The following RAB44 variants were observed in gnomAD, a reference collection of about 807,000 sequenced individuals.
The protein encoded by RAB44 is ras-related protein Rab-44.
Under a neutral mutation model 93.3 loss-of-function variants are expected in RAB44, and 67 were observed. That is an observed-to-expected ratio of 0.72 (90% CI 0.59 to 0.88). RAB44 has a LOEUF of 0.88. Ranked by LOEUF, RAB44 falls within the 40% of genes least tolerant of loss-of-function variation. The probability of loss-of-function intolerance (pLI) is 0.00; values close to 1 mark genes in which losing one functional copy is unlikely to be tolerated. For synonymous variants in RAB44, 427 were observed against 520.3 expected (o/e 0.82, Z 2.44); for missense variants, 1,064 against 1,261.7 (o/e 0.84, Z 2.37).
rs1194975303 is a variant in RAB44, at chr6:36,722,419, C to T, written c.2285C>T (p.Thr762Met). Residue 762 changes from threonine to methionine, a missense_variant, in exon 9 of 14, where the codon ACG becomes ATG. Coordinates refer to ENST00000612677, the MANE Select transcript of RAB44 (RefSeq NM_001257357.2). Reference sequence around the variant, plus strand: ...GCTGGAGCAGGACCCCAGGAACCCACGCAAACCCCTCCCACCATGGCTGAG... The same window carrying T: ...GCTGGAGCAGGACCCCAGGAACCCATGCAAACCCCTCCCACCATGGCTGAG... Reference protein sequence around the residue: ...PGAGAGPQEPTQTPPTMAEQE... With the variant: ...PGAGAGPQEPMQTPPTMAEQE... The T allele has an allele frequency of 6.3e-6, 9 of 1,419,120 alleles. No individual in the cohort carries two copies. The South Asian group carries it at 1.1e-4, about 18-fold the overall frequency. 87.9% of individuals were successfully genotyped at this position (1,419,120 alleles called of 1,614,324 possible).
intron 1 of RAB44, among the ~76,000 whole-genome samples, chr6:36,700,692 C>A (rs1762489024): frequency 6.6e-6 from 1 of 152,202 alleles, no homozygotes; most frequent in Non-Finnish European, 1.5e-5. Context: ...CTCGCCTCAG[C>A]CTCCCAAAGT....
At chr6:36,704,070 C>T (rs1248881372) in intron 1 of RAB44, among the ~76,000 whole-genome samples, 154 bp from the exon 2 acceptor site, 2 of 152,140 alleles carry the variant, frequency 1.3e-5, no homozygotes, top group African/African-American at 4.8e-5. Flanking sequence ...GGCTGGGCGA[C>T]GAGGTCAGAG....
chr6:36,719,130 A>G (rs546207854), intron 7 of RAB44, among the ~76,000 whole-genome samples: 3 of 152,204 alleles, frequency 2.0e-5, no homozygotes, highest in African/African-American at 7.2e-5. Context: ...CGTGGTCTCA[A>G]TCTCCTGACC....
At chr6:36,719,540 G>A (rs1200102664) in intron 7 of RAB44, among the ~76,000 whole-genome samples, 3 of 152,212 alleles carry the variant, frequency 2.0e-5, no homozygotes, top group African/African-American at 7.2e-5. Context: ...TGCCCACAGA[G>A]TTACCATCTA....
chr6:36,707,101 C>A (rs1762668090), intron 2 of RAB44, among the ~76,000 whole-genome samples: 1 of 152,086 alleles, frequency 6.6e-6, no homozygotes, highest in South Asian at 2.1e-4. Flanking sequence ...GGGCAGATCA[C>A]CTGAGATTAG....
chr6:36,721,735 C>T lies in RAB44; in HGVS notation c.1601C>T (p.Ser534Phe). 8.1e-7 allele frequency: 1 copy of T among 1,234,468 alleles called. No individual in the cohort carries two copies. The highest frequency in any genetic ancestry group is 1.0e-6 in the Non-Finnish European group (1 of 988,242). 76.5% of individuals were successfully genotyped at this position (1,234,468 alleles called of 1,614,324 possible). ...GACCCAGATGACAAGGGCCCTGGGT[C>T]TTGGGCTCCTCCCAGCGGGGCTCAG... is the stretch of plus-strand genomic sequence containing the variant. ...ASDPDDKGPG[S>F]WAPPSGAQPG... The change falls in exon 9 of 14, where the codon TCT becomes TTT. Residue 534 changes from serine to phenylalanine, a missense_variant. Transcript: ENST00000612677.
Position 36,720,534 on chromosome 6 carries a change from G to A in RAB44, c.1000G>A (p.Val334Met), listed in dbSNP as rs1677922606. Reference sequence around the variant, plus strand: ...CGCCAGGGGCCGGGTGTCCTGGCAGGTGGAGGAGAAACTGAGGCAAGTGGC... The same window carrying A: ...CGCCAGGGGCCGGGTGTCCTGGCAGATGGAGGAGAAACTGAGGCAAGTGGC... ...DAARGRVSWQVEEKLSFPGAG... is the reference protein window; with the variant it reads ...DAARGRVSWQMEEKLSFPGAG... The change falls in exon 8 of 14, where the codon GTG (valine) becomes ATG (methionine). Residue 334 changes from valine (V) to methionine (M), a missense_variant. Coordinates refer to ENST00000612677, the MANE Select transcript of RAB44 (RefSeq NM_001257357.2). 1 of 1,233,948 alleles carries A rather than the reference G, an allele frequency of 8.1e-7. No individual in the cohort carries two copies. Among genetic ancestry groups the A allele is most frequent in the Non-Finnish European group, 1.0e-6 (1 of 988,196 alleles). The allele number at this position is 1,233,948 out of a possible 1,614,324, so 76.4% of individuals were successfully genotyped here. A position where few individuals can be genotyped will look rare whatever the true frequency, so the allele number is the denominator to read the frequency against.
intron 1 of RAB44, among the ~76,000 whole-genome samples, chr6:36,699,112 C>G (rs754919773): frequency 6.6e-6 from 1 of 152,068 alleles, no homozygotes; most frequent in Non-Finnish European, 1.5e-5. Context: ...CCTTCCTGCC[C>G]CAGGCCACCT....
At chr6:36,712,267 C>T (rs1467617645) in intron 2 of RAB44, among the ~76,000 whole-genome samples, 1 of 152,218 alleles carries the variant, frequency 6.6e-6, no homozygotes, top group Admixed American at 6.5e-5. Context: ...TGTGCCACTG[C>T]ATTCCAGCCT....
intron 4 of RAB44, among the ~76,000 whole-genome samples, chr6:36,715,887 G>A (rs1039568166): frequency 2.0e-5 from 3 of 152,202 alleles, no homozygotes; most frequent in Middle Eastern, 3.2e-3. Context: ...ACGTGCAGAG[G>A]ATGCCTGCTC....
At position 36,717,994 on chromosome 6, in the gene RAB44, T is replaced by G; in HGVS notation, c.642-34T>G. Reference sequence around the variant, plus strand: ...AGCAGCAGGCTCCCAGAGGTGCTGATGGGCTGCCTGGCCCCAACTCCTGCT... The same window carrying G: ...AGCAGCAGGCTCCCAGAGGTGCTGAGGGGCTGCCTGGCCCCAACTCCTGCT... On this transcript the variant is annotated intron_variant, in intron 5 of 13. Transcript: ENST00000612677. This position sits in a 1 kb window ranked among gnomAD's most constrained non-coding sequence, Gnocchi z 4.1. 1 of 1,219,690 alleles carries G rather than the reference T, an allele frequency of 8.2e-7. No individual in the cohort carries two copies. Among genetic ancestry groups the G allele is most frequent in the Non-Finnish European group, 1.0e-6 (1 of 976,624 alleles). The allele number at this position is 1,219,690 out of a possible 1,614,324, so 75.6% of individuals were successfully genotyped here.
At chr6:36,728,459 C>T (rs1763287156) in intron 11 of RAB44, among the ~76,000 whole-genome samples, 1 of 152,060 alleles carries the variant, frequency 6.6e-6, no homozygotes, top group Admixed American at 6.5e-5. Context: ...AGGACATGGG[C>T]AGGAACAACC....
At chr6:36,726,675 T>C (rs1763246260) in intron 10 of RAB44, among the ~76,000 whole-genome samples, 1 of 152,172 alleles carries the variant, frequency 6.6e-6, no homozygotes, top group Non-Finnish European at 1.5e-5. Flanking sequence ...ACTTGTGTTA[T>C]GAAACATAGG....
At position 36,720,507 on chromosome 6, in the gene RAB44, G is replaced by A. The variant is rs566251860; in HGVS notation, c.973G>A (p.Ala325Thr). The change falls in exon 8 of 14, where the codon GCC becomes ACC. Residue 325 changes from alanine to threonine, a missense_variant. Physicochemically the swap from Ala to Thr is moderately conservative, Grantham distance 58 (BLOSUM62 0). Coordinates refer to ENST00000612677, the MANE Select transcript of RAB44 (RefSeq NM_001257357.2). The part of the protein sequence containing the change: ...QLQVTRGRLD[A>T]ARGRVSWQVE... ...GCAGGTGACCAGGGGGCGCCTGGACGCCGCCAGGGGCCGGGTGTCCTGGCA... is the reference window on the plus strand; with the variant it reads ...GCAGGTGACCAGGGGGCGCCTGGACACCGCCAGGGGCCGGGTGTCCTGGCA... 4.9e-6 allele frequency: 6 copies of A among 1,233,526 alleles called. No homozygotes were observed. Among genetic ancestry groups the A allele is most frequent in the Non-Finnish European group, 6.1e-6 (6 of 988,226 alleles). The allele number at this position is 1,233,526 out of a possible 1,614,324, so 76.4% of individuals were successfully genotyped here.
At chr6:36,708,080 T>G (rs1762693071) in intron 2 of RAB44, among the ~76,000 whole-genome samples, 1 of 151,916 alleles carries the variant, frequency 6.6e-6, no homozygotes, top group Admixed American at 6.6e-5. Context: ...GGTGTGGTGG[T>G]GTGCACCTGC....
intron 2 of RAB44, among the ~76,000 whole-genome samples, chr6:36,710,149 G>C (rs936564806): frequency 6.6e-6 from 1 of 152,140 alleles, no homozygotes; most frequent in African/African-American, 2.4e-5. Flanking sequence ...CATCTCCAAA[G>C]CTTCTTTCAT....
chr6:36,705,599 T>G (rs1259429775), intron 2 of RAB44, among the ~76,000 whole-genome samples: 1 of 152,098 alleles, frequency 6.6e-6, no homozygotes, highest in Non-Finnish European at 1.5e-5. Flanking sequence ...GTCAGGCTGG[T>G]CTCGAGCTCC....
In RAB44 at chr6:36,720,498, C is replaced by A. The variant is rs765743466; in HGVS notation, c.964C>A (p.Arg322Ser). The A allele has an allele frequency of 5.7e-6, 7 of 1,233,304 alleles. No homozygotes were observed. The highest frequency in any genetic ancestry group is 6.1e-6 in the Non-Finnish European group (6 of 988,240). The allele number at this position is 1,233,304 out of a possible 1,614,324, so 76.4% of individuals were successfully genotyped here. A position where few individuals can be genotyped will look rare whatever the true frequency, so the allele number is the denominator to read the frequency against. ...GGGGCAGCTGCAGGTGACCAGGGGG[C>A]GCCTGGACGCCGCCAGGGGCCGGGT... is the stretch of plus-strand genomic sequence containing the variant. ...VRGQLQVTRG[R>S]LDAARGRVSW... The change falls in exon 8 of 14, where the codon CGC (arginine) becomes AGC (serine). Residue 322 changes from arginine (R) to serine (S), a missense_variant. By Grantham distance (110) the Arg-to-Ser change is moderately radical. Coordinates refer to ENST00000612677, the MANE Select transcript of RAB44 (RefSeq NM_001257357.2).
chr6:36,726,713 G>A lies in RAB44; in HGVS notation c.2681+770G>A, dbSNP rs181770139. On this transcript the variant is annotated intron_variant, in intron 10 of 13. Coordinates refer to ENST00000612677, the MANE Select transcript of RAB44 (RefSeq NM_001257357.2). ...ACAACCTAAATGTCCATCAATAGGG[G>A]ACCAGTTAAATAAAGGAGGGTCAAT... Among the ~76,000 whole-genome samples the A allele has an allele frequency of 1.7e-3, 255 of 152,054 alleles. 1 individual carries two copies. The highest frequency in any genetic ancestry group is 5.9e-3 in the African/African-American group (243 of 41,476).
Sources: gnomAD v4.1 joint callset for allele counts (sites outside exome capture counted in the v4.1 genomes callset) on GRCh38, gnomAD v4.1.1 for gene constraint, Gnocchi (gnomAD v3.1) non-coding constraint, MANE v1.5 for transcripts, NCBI Gene and HGNC (gene_info 2026-07-23, HGNC 2026-07-21) for gene names.